The following PLCL1 variants were observed in gnomAD, a reference collection of about 807,000 sequenced individuals.
PLCL1 encodes the protein phospholipase C like 1 (inactive).
In PLCL1, 41 loss-of-function variants were observed where a neutral mutation model predicts 84.4. That is an observed-to-expected ratio of 0.49 (90% CI 0.38 to 0.63). The LOEUF is 0.63. Ranked by LOEUF, PLCL1 falls within the 30% of genes least tolerant of loss-of-function variation. The probability of loss-of-function intolerance (pLI) is 0.00; values close to 1 mark genes in which losing one functional copy is unlikely to be tolerated. For missense variants in PLCL1, 1,206 were observed against 1,367.8 expected (o/e 0.88, Z 1.87); for synonymous variants, 490 against 488.3 (o/e 1.00, Z -0.05).
At chr2:197,906,515 T>C (rs534125346) in intron 1 of PLCL1, among the ~76,000 whole-genome samples, 2 of 152,316 alleles carry the variant, frequency 1.3e-5, no homozygotes, top group East Asian at 3.9e-4. Flanking sequence ...AGCTTTGTTC[T>C]TTTTGCTTAG....
intron 1 of PLCL1, among the ~76,000 whole-genome samples, chr2:197,977,186 C>T (rs576802626): frequency 1.3e-5 from 2 of 152,224 alleles, no homozygotes; most frequent in East Asian, 1.9e-4. Context: ...TCTGCTATAA[C>T]GTTTTAGCAT....
Position 198,064,492 on chromosome 2 carries a change from G to A in PLCL1, c.241-19266G>A, listed in dbSNP as rs561708462. On this transcript the variant is annotated intron_variant, in intron 1 of 5. Transcript: ENST00000428675. The stretch of plus-strand genomic sequence containing the variant: ...TATGTTTTTATTCTCTATTTGATAT[G>A]CTTGTAATTTAAGGCTTAGCCACAA... Among the ~76,000 whole-genome samples the A allele has an allele frequency of 1.1e-4, 17 of 152,206 alleles. No homozygotes were observed. The South Asian group carries it at 3.3e-3, about 30-fold the overall frequency.
intron 1 of PLCL1, among the ~76,000 whole-genome samples, chr2:198,072,004 C>T (rs1403784533): frequency 6.6e-6 from 1 of 151,832 alleles, no homozygotes. Flanking sequence ...ATGCCTCTTA[C>T]AACTGCATCC....
chr2:197,969,063 T>C (rs2105795735), intron 1 of PLCL1, among the ~76,000 whole-genome samples: 1 of 152,140 alleles, frequency 6.6e-6, no homozygotes, highest in East Asian at 1.9e-4. Flanking sequence ...GTGGTAACTA[T>C]TTGTGAACTG....
chr2:197,967,162 T>C (rs1689760723), intron 1 of PLCL1, among the ~76,000 whole-genome samples: 1 of 152,066 alleles, frequency 6.6e-6, no homozygotes, highest in African/African-American at 2.4e-5. Context: ...AAAACTGCTT[T>C]TCTACAGGAG....
intron 5 of PLCL1, among the ~76,000 whole-genome samples, chr2:198,137,574 A>G (rs1694284448): frequency 6.6e-6 from 1 of 152,186 alleles, no homozygotes; most frequent in Non-Finnish European, 1.5e-5. Context: ...GTAAGACTGG[A>G]GGAGGATTCT....
intron 1 of PLCL1, among the ~76,000 whole-genome samples, chr2:197,960,687 T>C (rs1689599610): frequency 6.6e-6 from 1 of 152,132 alleles, no homozygotes; most frequent in Non-Finnish European, 1.5e-5. Flanking sequence ...ATCTGTGCAG[T>C]ATGACTGGCA....
intron 1 of PLCL1, among the ~76,000 whole-genome samples, chr2:197,970,049 A>G (rs1178011469): frequency 6.6e-6 from 1 of 152,226 alleles, no homozygotes; most frequent in Non-Finnish European, 1.5e-5. Context: ...GTGGCTATTG[A>G]GCCCCTGAAG....
intron 1 of PLCL1, among the ~76,000 whole-genome samples, chr2:197,897,519 A>G (rs1034358728): frequency 1.3e-5 from 2 of 152,156 alleles, no homozygotes; most frequent in African/African-American, 4.8e-5. Context: ...CTTATCTAAA[A>G]TATCAGAATA....
At chr2:198,020,925 C>G (rs1355453707) in intron 1 of PLCL1, among the ~76,000 whole-genome samples, 1 of 152,160 alleles carries the variant, frequency 6.6e-6, no homozygotes, top group Non-Finnish European at 1.5e-5. Flanking sequence ...AACTCACCAC[C>G]CCAAATCAAC....
At chr2:197,937,741 A>G (rs1221408416) in intron 1 of PLCL1, among the ~76,000 whole-genome samples, 2 of 152,234 alleles carry the variant, frequency 1.3e-5, no homozygotes, top group African/African-American at 4.8e-5. Flanking sequence ...ATACACAGCT[A>G]CAATGAAAGA....
intron 1 of PLCL1, among the ~76,000 whole-genome samples, chr2:197,965,260 G>T (rs1156832495): frequency 1.3e-5 from 2 of 152,140 alleles, no homozygotes; most frequent in East Asian, 1.9e-4. Flanking sequence ...TCTCTTCAGG[G>T]TTTGGATTTC....
chr2:197,970,750 T>TC (rs1175206787), intron 1 of PLCL1, among the ~76,000 whole-genome samples: 3 of 152,166 alleles, frequency 2.0e-5, no homozygotes, highest in Non-Finnish European at 4.4e-5. Context: ...TACCTTTTTT[T>TC]CCCCCACAAC....
At chr2:198,101,079 G>A (rs1389808201) in intron 3 of PLCL1, among the ~76,000 whole-genome samples, 2 of 152,050 alleles carry the variant, frequency 1.3e-5, no homozygotes, top group African/African-American at 2.4e-5. Context: ...ACACAAGAGA[G>A]TAATCATAAG....
At chr2:198,113,274 A>ATT (rs1200047073) in intron 5 of PLCL1, among the ~76,000 whole-genome samples, 1 of 151,996 alleles carries the variant, frequency 6.6e-6, no homozygotes, top group Non-Finnish European at 1.5e-5. Flanking sequence ...TAATCCATAA[A>ATT]TTAGCAAACA....
intron 1 of PLCL1, among the ~76,000 whole-genome samples, chr2:197,965,154 T>C (rs1042703995): frequency 2.6e-5 from 4 of 152,142 alleles, no homozygotes; most frequent in African/African-American, 7.2e-5. Context: ...CTTTAAATAT[T>C]TGGTAAAATT....
rs570781575 is a variant in PLCL1 at position 198,109,487 on chromosome 2, G to GT, written c.3105+5557dup. On this transcript the variant is annotated intron_variant, in intron 5 of 5. Transcript: ENST00000428675. ...AAATCTCAAAATGGAAATTTTTCCT[G>GT]TTTTTTAAGGCTTTCAGAAAGGGAT... Among the ~76,000 whole-genome samples, 93 of 151,942 alleles carry GT rather than the reference G, an allele frequency of 6.1e-4. 1 individual carries two copies. Among genetic ancestry groups the GT allele is most frequent in the African/African-American group, 2.2e-3 (92 of 41,496 alleles).
At chr2:198,145,002 T>A (rs1046914935) in intron 5 of PLCL1, among the ~76,000 whole-genome samples, 1 of 152,172 alleles carries the variant, frequency 6.6e-6, no homozygotes, top group African/African-American at 2.4e-5. Context: ...TCAGTTTTTT[T>A]AATCAGTAAA....
At chr2:198,090,112 A>G (rs914410473) in intron 3 of PLCL1, among the ~76,000 whole-genome samples, 2 of 152,158 alleles carry the variant, frequency 1.3e-5, no homozygotes, top group African/African-American at 4.8e-5. Flanking sequence ...AGAAGCATAA[A>G]CATTTATGTT....
Sources: gnomAD v4.1 joint callset for allele counts (sites outside exome capture counted in the v4.1 genomes callset) on GRCh38, gnomAD v4.1.1 for gene constraint, MANE v1.5 for transcripts, NCBI Gene and HGNC (gene_info 2026-07-23, HGNC 2026-07-21) for gene names.